Variants in PTPRD observed in about 807,000 individuals in gnomAD.
PTPRD encodes receptor-type tyrosine-protein phosphatase delta.
Under a neutral mutation model 214.5 loss-of-function variants are expected in PTPRD, and 34 were observed. That is an observed-to-expected ratio of 0.16 (90% CI 0.12 to 0.21). PTPRD has a LOEUF of 0.21. Ranked by LOEUF, PTPRD falls within the 10% of genes least tolerant of loss-of-function variation. PTPRD has a pLI of 1.00. For synonymous variants in PTPRD, 1,128 were observed against 845.7 expected, an observed-to-expected ratio of 1.33 and a Z score of -5.79; for missense variants, 2,545 against 2,398.7, an observed-to-expected ratio of 1.06 and a Z score of -1.27.
At chr9:9,582,939 G>C (rs1040510237) in intron 7 of PTPRD, among the ~76,000 whole-genome samples, 2 of 151,908 alleles carry the variant, frequency 1.3e-5, no homozygotes, top group Non-Finnish European at 2.9e-5. Flanking sequence ...GCATTTGTTG[G>C]AATTTCATTA....
chr9:10,470,893 A>G (rs184594195), intron 2 of PTPRD, among the ~76,000 whole-genome samples: 120 of 152,306 alleles, frequency 7.9e-4, no homozygotes, highest in African/African-American at 2.9e-3. Flanking sequence ...AAAGACTGGA[A>G]CCAACCAAAT....
chr9:8,745,434 G>A (rs571474901), intron 11 of PTPRD, among the ~76,000 whole-genome samples: 2 of 152,288 alleles, frequency 1.3e-5, no homozygotes, highest in Non-Finnish European at 2.9e-5. Flanking sequence ...AACGAAAGGG[G>A]AAGGCAACCT....
chr9:9,594,976 T>C (rs1343791859), intron 7 of PTPRD, among the ~76,000 whole-genome samples: 1 of 151,852 alleles, frequency 6.6e-6, no homozygotes, highest in African/African-American at 2.4e-5. Context: ...TCAACAAACA[T>C]ATGGAAAAAT....
intron 8 of PTPRD, among the ~76,000 whole-genome samples, chr9:9,495,539 A>C (rs545684110): frequency 2.6e-5 from 4 of 152,008 alleles, no homozygotes; most frequent in African/African-American, 9.7e-5. Flanking sequence ...AGAGGGAGAG[A>C]CAGCTGGACC....
intron 7 of PTPRD, among the ~76,000 whole-genome samples, chr9:9,584,402 C>T (rs994910126): frequency 1.6e-5 from 2 of 128,110 alleles, no homozygotes; most frequent in African/African-American, 2.9e-5. Flanking sequence ...CACAAAAGAC[C>T]TCTATGTTGC....
intron 11 of PTPRD, among the ~76,000 whole-genome samples, chr9:8,929,979 A>G (rs1057430030): frequency 6.0e-5 from 9 of 150,832 alleles, no homozygotes; most frequent in Non-Finnish European, 1.2e-4. Context: ...CTATTATTAT[A>G]CTTTAAGTTC....
At chr9:9,956,990 C>G (rs997145988) in intron 4 of PTPRD, among the ~76,000 whole-genome samples, 5 of 152,062 alleles carry the variant, frequency 3.3e-5, no homozygotes, top group Non-Finnish European at 7.4e-5. Flanking sequence ...GGGTCAGAAC[C>G]TAACAAGAGA....
At chr9:9,525,137 G>A (rs1243102782) in intron 8 of PTPRD, among the ~76,000 whole-genome samples, 1 of 152,196 alleles carries the variant, frequency 6.6e-6, no homozygotes, top group African/African-American at 2.4e-5. Flanking sequence ...GATTACAGGC[G>A]TGAGCCACCG....
At chr9:10,470,303 T>A (rs1334737926) in intron 2 of PTPRD, among the ~76,000 whole-genome samples, 1 of 151,996 alleles carries the variant, frequency 6.6e-6, no homozygotes, top group Non-Finnish European at 1.5e-5. Flanking sequence ...CAGGGAACAG[T>A]GAAGACTCAA....
intron 5 of PTPRD, among the ~76,000 whole-genome samples, chr9:9,826,892 T>A (rs530508248): frequency 2.6e-5 from 4 of 152,068 alleles, no homozygotes; most frequent in Non-Finnish European, 5.9e-5. Context: ...ATGAGTGAAC[T>A]CACATTCACA....
At chr9:9,664,685 A>T (rs2096682884) in intron 7 of PTPRD, among the ~76,000 whole-genome samples, 1 of 151,732 alleles carries the variant, frequency 6.6e-6, no homozygotes, top group Admixed American at 6.6e-5. Context: ...TGGACAGATC[A>T]CTGGATTACT....
At chr9:8,601,800 G>A (rs2094884873) in intron 14 of PTPRD, among the ~76,000 whole-genome samples, 2 of 152,142 alleles carry the variant, frequency 1.3e-5, no homozygotes, top group Non-Finnish European at 2.9e-5. Context: ...TATTATCAGG[G>A]TTGGAAAAGG....
intron 11 of PTPRD, among the ~76,000 whole-genome samples, chr9:8,964,188 C>CTTTTTTTTTTTTTT: frequency 1.2e-5 from 1 of 80,644 alleles, no homozygotes; most frequent in South Asian, 7.1e-4. Context: ...TAGTTCAGGG[C>CTTTTTTTTTTTTTT]TGTGTTTTTT....
At chr9:8,460,084 G>C (rs942863852) in intron 33 of PTPRD, among the ~76,000 whole-genome samples, 2 of 152,072 alleles carry the variant, frequency 1.3e-5, no homozygotes, top group South Asian at 2.1e-4. Flanking sequence ...TCAAATGAAA[G>C]CTTGCATGGA....
intron 3 of PTPRD, among the ~76,000 whole-genome samples, chr9:10,106,143 A>C (rs1024736421): frequency 6.6e-6 from 1 of 151,754 alleles, no homozygotes; most frequent in African/African-American, 2.4e-5. Flanking sequence ...TTTTGAATTC[A>C]ATTTTGTGAA....
intron 3 of PTPRD, among the ~76,000 whole-genome samples, chr9:10,190,808 G>T (rs1283388365): frequency 6.6e-6 from 1 of 151,668 alleles, no homozygotes; most frequent in Non-Finnish European, 1.5e-5. Context: ...ACAACGTGAG[G>T]TTTATGAGTC....
At position 8,863,101 on chromosome 9, in the gene PTPRD, A is replaced by G. The variant is rs1340664854; in HGVS notation, c.-103-129155T>C. On this transcript the variant is annotated intron_variant, in intron 11 of 45. Coordinates refer to ENST00000381196, the MANE Select transcript of PTPRD (RefSeq NM_002839.4). Reference sequence around the variant, plus strand: ...AAAAAGAAATCCACATCTTTCATAAAGAAAGGCCTAGAAAAGCCATACCTC... The same window carrying G: ...AAAAAGAAATCCACATCTTTCATAAGGAAAGGCCTAGAAAAGCCATACCTC... 2.6e-5 allele frequency among the ~76,000 whole-genome samples: 4 copies of G among 152,244 alleles called. No individual in the cohort carries two copies. The East Asian group carries it at 7.7e-4, about 29-fold the overall frequency.
At chr9:8,932,987 C>A (rs982873905) in intron 11 of PTPRD, among the ~76,000 whole-genome samples, 4 of 152,076 alleles carry the variant, frequency 2.6e-5, no homozygotes, top group Admixed American at 2.6e-4. Context: ...AAACCCAGGG[C>A]CCTGGTGGTG....
chr9:9,517,661 T>C (rs2096870427), intron 8 of PTPRD, among the ~76,000 whole-genome samples: 1 of 152,092 alleles, frequency 6.6e-6, no homozygotes, highest in Non-Finnish European at 1.5e-5. Flanking sequence ...AATGAGGTCA[T>C]ATTGAAATTA....
Sources: allele counts gnomAD v4.1 joint callset (sites outside exome capture counted in the v4.1 genomes callset), GRCh38; gene constraint gnomAD v4.1.1; transcripts MANE v1.5; gene names NCBI Gene and HGNC (gene_info 2026-07-23, HGNC 2026-07-21).